Variants in STOX2 observed in about 807,000 individuals in gnomAD.
The protein encoded by STOX2 is storkhead-box protein 2.
A neutral mutation model predicts 60.9 loss-of-function variants in STOX2; 28 were observed. That is an observed-to-expected ratio of 0.46 (90% CI 0.34 to 0.63). The LOEUF (loss-of-function observed/expected upper bound fraction) is 0.63. Ranked by LOEUF, STOX2 falls within the 30% of genes least tolerant of loss-of-function variation. STOX2 has a pLI of 0.01. For synonymous variants in STOX2, 472 were observed against 463.9 expected, an observed-to-expected ratio of 1.02 and a Z score of -0.22; for missense variants, 1,024 against 1,187.7, an observed-to-expected ratio of 0.86 and a Z score of 2.03.
intron 1 of STOX2, among the ~76,000 whole-genome samples, chr4:183,916,740 G>C (rs746292936): frequency 2.0e-5 from 3 of 152,174 alleles, no homozygotes; most frequent in Non-Finnish European, 4.4e-5. Flanking sequence ...TTGATATAAA[G>C]AGTGACTTGC....
chr4:183,948,088 C>G (rs1742948103), intron 1 of STOX2, among the ~76,000 whole-genome samples: 1 of 151,824 alleles, frequency 6.6e-6, no homozygotes, highest in South Asian at 2.1e-4. Flanking sequence ...CGTGGTGGCT[C>G]ACGCCTGTAA....
chr4:183,873,532 C>G (rs963204897), intron 1 of STOX2, among the ~76,000 whole-genome samples: 1 of 151,666 alleles, frequency 6.6e-6, no homozygotes, highest in African/African-American at 2.4e-5. Flanking sequence ...CCTGCCTTGA[C>G]AAGCACTAAA....
chr4:183,973,863 G>A (rs764802667), intron 1 of STOX2, among the ~76,000 whole-genome samples: 14 of 152,088 alleles, frequency 9.2e-5, no homozygotes, highest in African/African-American at 2.4e-4. Flanking sequence ...GCGTGGTGGC[G>A]CATGCCTGTA....
chr4:183,979,737 TA>T (rs1732581621), intron 1 of STOX2, among the ~76,000 whole-genome samples: 1 of 152,158 alleles, frequency 6.6e-6, no homozygotes, highest in Non-Finnish European at 1.5e-5. Context: ...TAAGTTCTTC[TA>T]ATCAATGTCC....
chr4:183,841,209 A>ATT (rs1291678043), intron 1 of STOX2, among the ~76,000 whole-genome samples: 1 of 150,470 alleles, frequency 6.6e-6, no homozygotes, highest in Non-Finnish European at 1.5e-5. Context: ...TTATTTATTT[A>ATT]TTTATTTATT....
At chr4:183,812,169 C>T (rs1289886378) in intron 1 of STOX2, among the ~76,000 whole-genome samples, 1 of 152,172 alleles carries the variant, frequency 6.6e-6, no homozygotes, top group Non-Finnish European at 1.5e-5. Flanking sequence ...TGAGCTCAAG[C>T]AACCCTTTTG....
intron 1 of STOX2, among the ~76,000 whole-genome samples, chr4:183,958,342 A>T (rs568605559): frequency 3.9e-5 from 6 of 152,222 alleles, no homozygotes; most frequent in Middle Eastern, 3.4e-3. Context: ...GTCTCCTCTC[A>T]TGATTAATTT....
At chr4:183,814,064 T>G (rs558589025) in intron 1 of STOX2, among the ~76,000 whole-genome samples, 1 of 152,360 alleles carries the variant, frequency 6.6e-6, no homozygotes, top group South Asian at 2.1e-4. Flanking sequence ...CATCTTACAT[T>G]TTGTAGAGAG....
At chr4:183,913,499 G>A (rs149675370) in intron 1 of STOX2, among the ~76,000 whole-genome samples, 8 of 152,112 alleles carry the variant, frequency 5.3e-5, no homozygotes, top group Admixed American at 1.3e-4. Context: ...TGGGCCAGGC[G>A]TGGTGGTTCG....
intron 1 of STOX2, among the ~76,000 whole-genome samples, chr4:183,925,831 G>C (rs1352003616): frequency 6.6e-6 from 1 of 152,074 alleles, no homozygotes; most frequent in East Asian, 1.9e-4. Flanking sequence ...TTTATAATTA[G>C]CATATCAATG....
At chr4:183,892,437 C>G (rs924180885) in intron 1 of STOX2, among the ~76,000 whole-genome samples, 1 of 152,034 alleles carries the variant, frequency 6.6e-6, no homozygotes, top group Non-Finnish European at 1.5e-5. Context: ...CGCCACCACG[C>G]CCGGCTAATT....
At chr4:183,933,749 C>T (rs953868684) in intron 1 of STOX2, among the ~76,000 whole-genome samples, 3 of 152,194 alleles carry the variant, frequency 2.0e-5, no homozygotes. Context: ...CTAACAATTA[C>T]ATTTATGAGG....
chr4:183,992,927 T>G (rs1445775742), intron 1 of STOX2, among the ~76,000 whole-genome samples: 1 of 152,254 alleles, frequency 6.6e-6, no homozygotes, highest in African/African-American at 2.4e-5. Context: ...GTGTGGAGCC[T>G]TAGCAAAGGC....
rs1311152121 is a variant in STOX2, at chr4:184,017,883, A to G, written c.*599A>G. 1 of 152,172 alleles carries G rather than the reference A, an allele frequency of 6.6e-6. No homozygotes were observed. Among genetic ancestry groups the G allele is most frequent in the Non-Finnish European group, 1.5e-5 (1 of 68,042 alleles). The allele number at this position is 152,172 out of a possible 1,614,324, so 9.4% of individuals were successfully genotyped here. A position where few individuals can be genotyped will look rare whatever the true frequency, so the allele number is the denominator to read the frequency against. On this transcript the variant is annotated 3_prime_UTR_variant, in exon 4 of 4. Transcript: ENST00000308497. ...ATTTTTCACTGTGAGTTTTCGTGACACTATTTTGCAGGAGCCCATGGAAGT... is the reference window on the plus strand; with the variant it reads ...ATTTTTCACTGTGAGTTTTCGTGACGCTATTTTGCAGGAGCCCATGGAAGT...
chr4:183,846,491 G>C (rs1037025502), intron 1 of STOX2, among the ~76,000 whole-genome samples: 2 of 151,974 alleles, frequency 1.3e-5, no homozygotes, highest in African/African-American at 4.8e-5. Flanking sequence ...GGGTAATCTC[G>C]ATTGACCTAT....
At position 183,914,850 on chromosome 4, in the gene STOX2, T is replaced by G. The variant is rs75586180; in HGVS notation, c.166+7894T>G. ...CCTGTTCCTGAAAGTAAAGTGCCCT[T>G]TAATTCTTGGATTTGTTTTATTAGT... On this transcript the variant is annotated intron_variant, in intron 1 of 3. Coordinates refer to ENST00000308497, the MANE Select transcript of STOX2 (RefSeq NM_020225.3). Among the ~76,000 whole-genome samples the G allele has an allele frequency of 4.6e-5, 7 of 152,276 alleles. 1 individual carries two copies. The East Asian group carries it at 1.4e-3, about 29-fold the overall frequency.
intron 1 of STOX2, among the ~76,000 whole-genome samples, chr4:183,958,456 C>T (rs1743321350): frequency 6.6e-6 from 1 of 152,138 alleles, no homozygotes; most frequent in Admixed American, 6.5e-5. Flanking sequence ...GGCTTTTCCT[C>T]TTGTATATAT....
At chr4:183,823,042 A>G (rs1399571795) in intron 1 of STOX2, among the ~76,000 whole-genome samples, 1 of 152,312 alleles carries the variant, frequency 6.6e-6, no homozygotes, top group African/African-American at 2.4e-5. Context: ...TGTATGATCT[A>G]CGTTTTTCTT....
chr4:183,819,184 C>T (rs1739240284), intron 1 of STOX2, among the ~76,000 whole-genome samples: 1 of 152,112 alleles, frequency 6.6e-6, no homozygotes, highest in Admixed American at 6.5e-5. Context: ...TTTGGGAGGC[C>T]AAGGCAGGGG....
Sources: gnomAD v4.1 joint callset for allele counts (sites outside exome capture counted in the v4.1 genomes callset) on GRCh38, gnomAD v4.1.1 for gene constraint, MANE v1.5 for transcripts, NCBI Gene and HGNC (gene_info 2026-07-23, HGNC 2026-07-21) for gene names.